Variants in SEMA4F observed in about 807,000 individuals in gnomAD.
The protein encoded by SEMA4F is semaphorin-4F.
Under a neutral mutation model 78.4 loss-of-function variants are expected in SEMA4F, and 51 were observed. The observed-to-expected ratio is 0.65, with a 90% CI of 0.52 to 0.82. SEMA4F has a LOEUF of 0.82. Among genes scored for constraint, SEMA4F ranks in the 40% least tolerant of loss-of-function variants. The probability of loss-of-function intolerance (pLI) is 0.00; values close to 1 mark genes in which losing one functional copy is unlikely to be tolerated. For synonymous variants in SEMA4F, 418 were observed against 408.7 expected, an observed-to-expected ratio of 1.02 and a Z score of -0.27; for missense variants, 938 against 1,014.4, an observed-to-expected ratio of 0.92 and a Z score of 1.02.
rs560105794 is a variant in SEMA4F, at chr2:74,662,831, T to C, written c.550+6T>C. The C allele has an allele frequency of 9.3e-6, 15 of 1,613,042 alleles. No homozygotes were observed. The Admixed American group carries it at 1.8e-4, about 20-fold the overall frequency. On this transcript the variant is annotated splice_donor_region_variant and intron_variant, in intron 5 of 13. Transcript: ENST00000357877. The stretch of plus-strand genomic sequence containing the variant: ...GTCAGCAGCTGTAATGGCTGGTGAG[T>C]GGGGAGAGACAAGAACCTGTAACTT...
At chr2:74,699,541 TA>T in the SEMA4F span, among the ~76,000 whole-genome samples, 24 of 152,188 alleles carry the variant, frequency 1.6e-4, no homozygotes, top group South Asian at 6.2e-4. Context: ...AGGACTAAGA[TA>T]ATGGATATAG....
chr2:74,679,935 T>C lies in SEMA4F; in HGVS notation c.2039T>C (p.Ile680Thr). Residue 680 changes from isoleucine to threonine, a missense_variant, in exon 14 of 14, where the codon ATT becomes ACT. Coordinates refer to ENST00000357877, the MANE Select transcript of SEMA4F (RefSeq NM_004263.5). ...ILAASLTLIL[I>T]GRRQQRRRQR... ...GCAGCATCCCTGACTCTCATTCTGA[T>C]TGGTCGGCGTCAGCAGCGACGGCGA... 2 of 1,614,208 alleles carry C rather than the reference T, an allele frequency of 1.2e-6. No individual in the cohort carries two copies. The highest frequency in any genetic ancestry group is 1.7e-5 in the Admixed American group (1 of 60,024).
At chr2:74,686,366 T>A (rs531983063), downstream of SEMA4F, among the ~76,000 whole-genome samples, 1 of 152,234 alleles carries the variant, frequency 6.6e-6, no homozygotes, top group Admixed American at 6.5e-5. Flanking sequence ...CCCAAAGTGC[T>A]GGGATTACAG....
At chr2:74,663,131 T>C (rs1026556155) in intron 5 of SEMA4F, among the ~76,000 whole-genome samples, 4 of 152,226 alleles carry the variant, frequency 2.6e-5, no homozygotes, top group African/African-American at 7.2e-5. Context: ...TATACTACAA[T>C]GCATATTGTA....
At chr2:74,685,738 G>A (rs1685809253), downstream of SEMA4F, among the ~76,000 whole-genome samples, 1 of 152,138 alleles carries the variant, frequency 6.6e-6, no homozygotes, top group Admixed American at 6.5e-5. Flanking sequence ...ATTTACTATA[G>A]CTGTCTTAGA....
At chr2:74,685,314 G>C (rs1231741063), downstream of SEMA4F, among the ~76,000 whole-genome samples, 1 of 152,102 alleles carries the variant, frequency 6.6e-6, no homozygotes, top group Non-Finnish European at 1.5e-5. Context: ...TATTCCCCAG[G>C]ATTGCAAGAA....
chr2:74,656,824 T>TG, intron 2 of SEMA4F, 139 bp downstream of exon 2: 1 of 717,354 alleles, frequency 1.4e-6, no homozygotes. Flanking sequence ...TTGGGAGACA[T>TG]GGGGGGAGAT....
In SEMA4F at chr2:74,675,889, C is replaced by T. The variant is rs1573260963; in HGVS notation, c.1623C>T (p.Ala541=). 4 of 1,613,330 alleles carry T rather than the reference C, an allele frequency of 2.5e-6. No homozygotes were observed. In the African/African-American group the frequency reaches 5.3e-5, roughly 21 times the overall value. Residue 541 remains alanine, a synonymous_variant, in exon 12 of 14, where the codon GCC becomes GCT. Transcript: ENST00000357877. ...AWSFRLDECV[A]HAGEHRGLVQ... ...GCTTCCGGCTGGATGAGTGTGTGGC[C>T]CATGCCGGGGAGCACCGAGGGTGAG...
chr2:74,684,075 T>C (rs867265339), downstream of SEMA4F, among the ~76,000 whole-genome samples: 94 of 142,078 alleles, frequency 6.6e-4, no homozygotes, highest in African/African-American at 2.6e-3. Flanking sequence ...CCCACACATA[T>C]CCACCAAATT....
chr2:74,667,827 T>C (rs1684772937), intron 5 of SEMA4F, among the ~76,000 whole-genome samples: 1 of 152,206 alleles, frequency 6.6e-6, no homozygotes, highest in South Asian at 2.1e-4. Context: ...CTCTTCTCAC[T>C]CTGTGTAGTT....
chr2:74,686,930 A>G (rs918716436), downstream of SEMA4F, among the ~76,000 whole-genome samples: 1 of 152,154 alleles, frequency 6.6e-6, no homozygotes, highest in Non-Finnish European at 1.5e-5. Flanking sequence ...TAATGTAAAA[A>G]TGATGAGTTG....
At chr2:74,699,061 G>A in the SEMA4F span, among the ~76,000 whole-genome samples, 1 of 151,732 alleles carries the variant, frequency 6.6e-6, no homozygotes, top group Non-Finnish European at 1.5e-5. Flanking sequence ...TGATCCTCTC[G>A]CCTTGGCCTC....
chr2:74,684,511 C>T (rs907162923), downstream of SEMA4F, among the ~76,000 whole-genome samples: 5 of 152,124 alleles, frequency 3.3e-5, no homozygotes, highest in African/African-American at 1.2e-4. Flanking sequence ...GGGAACTTGG[C>T]TAACCATAGG....
chr2:74,657,570 C>G lies in SEMA4F; in HGVS notation c.303C>G (p.Asp101Glu), dbSNP rs769779196. The change falls in exon 3 of 14, where the codon GAC (aspartate) becomes GAG (glutamate). Residue 101 changes from aspartate (D) to glutamate (E), a missense_variant. Transcript: ENST00000357877. ...PFSGERPRRI[D>E]WMVPEAHRQN... The stretch of plus-strand genomic sequence containing the variant: ...GATCACTTCTCCTTTCTCAGATTGA[C>G]TGGATGGTTCCTGAGGCTCACAGAC... 6.2e-7 allele frequency: 1 copy of G among 1,613,978 alleles called. No individual in the cohort carries two copies. The highest frequency in any genetic ancestry group is 8.5e-7 in the Non-Finnish European group (1 of 1,179,964).
At position 74,658,112 on chromosome 2, in the gene SEMA4F, C is replaced by T. The variant is rs147650845; in HGVS notation, c.456+161C>T. Among the ~76,000 whole-genome samples the T allele has an allele frequency of 6.6e-6, 1 of 152,146 alleles. No individual in the cohort carries two copies. The highest frequency in any genetic ancestry group is 2.4e-5 in the African/African-American group (1 of 41,500). Reference sequence around the variant, plus strand: ...ATAAGCATTGGGTGTAGGGGCTGTCCTCATGGGATGAGGGTATGTGTAAGC... The same window carrying T: ...ATAAGCATTGGGTGTAGGGGCTGTCTTCATGGGATGAGGGTATGTGTAAGC... On this transcript the variant is annotated intron_variant, in intron 4 of 13. Transcript: ENST00000357877. This position sits in a 1 kb window ranked among gnomAD's most constrained non-coding sequence, Gnocchi z 4.3.
At chr2:74,701,494 G>T in the SEMA4F span, among the ~76,000 whole-genome samples, 1 of 152,154 alleles carries the variant, frequency 6.6e-6, no homozygotes, top group African/African-American at 2.4e-5. Flanking sequence ...CCTCAGCTGT[G>T]TTCACAATGC....
intron 5 of SEMA4F, among the ~76,000 whole-genome samples, chr2:74,664,369 C>A (rs1211871421): frequency 6.6e-6 from 1 of 152,008 alleles, no homozygotes; most frequent in Non-Finnish European, 1.5e-5. Flanking sequence ...TAAACAATTC[C>A]AAATTATTTA....
rs1328261694 is a variant in SEMA4F, at chr2:74,658,295, C to T, written c.456+344C>T. Among the ~76,000 whole-genome samples the T allele has an allele frequency of 1.3e-5, 2 of 152,186 alleles. No homozygotes were observed. The highest frequency in any genetic ancestry group is 4.8e-5 in the African/African-American group (2 of 41,428). On this transcript the variant is annotated intron_variant, in intron 4 of 13. Transcript: ENST00000357877. The surrounding 1 kb of genome is among the most constrained non-coding windows in gnomAD (Gnocchi z 4.3). ...TCAGAAACCAGAAACTCATGTTTCCCTTGCCCTGTGTATGCTTTGTCCAGG... is the reference window on the plus strand; with the variant it reads ...TCAGAAACCAGAAACTCATGTTTCCTTTGCCCTGTGTATGCTTTGTCCAGG...
At chr2:74,687,050 A>G (rs1023532885), downstream of SEMA4F, among the ~76,000 whole-genome samples, 4 of 152,208 alleles carry the variant, frequency 2.6e-5, no homozygotes, top group African/African-American at 7.2e-5. Flanking sequence ...AAACCTTCCT[A>G]TCACTTCCCG....
Sources: allele counts gnomAD v4.1 joint callset (sites outside exome capture counted in the v4.1 genomes callset), GRCh38; gene constraint gnomAD v4.1.1; non-coding constraint Gnocchi (gnomAD v3.1); transcripts MANE v1.5; gene names NCBI Gene and HGNC (gene_info 2026-07-23, HGNC 2026-07-21).